Variants in CYP4X1 observed in about 807,000 individuals in gnomAD.
CYP4X1 encodes the protein cytochrome P450 4X1.
A neutral mutation model predicts 57.9 loss-of-function variants in CYP4X1; 44 were observed. That is an observed-to-expected ratio of 0.76 (90% confidence interval 0.60 to 0.98). The LOEUF is 0.98. CYP4X1 is among the 50% of genes least tolerant of loss of function. The pLI is 0.00. For missense variants in CYP4X1, 532 were observed against 623.9 expected (o/e 0.85, Z 1.57); for synonymous variants, 227 against 228.6 (o/e 0.99, Z 0.06).
chr1:47,009,114 C>T, the CYP4X1 span, among the ~76,000 whole-genome samples: 2 of 152,160 alleles, frequency 1.3e-5, no homozygotes, highest in African/African-American at 4.8e-5. Context: ...ACAGAATATA[C>T]ATTCTTTTCA....
At chr1:46,966,748 T>C in the CYP4X1 span, among the ~76,000 whole-genome samples, 5 of 152,182 alleles carry the variant, frequency 3.3e-5, no homozygotes, top group East Asian at 9.6e-4. Context: ...ACAATTAACA[T>C]TAGATATATT....
At position 47,023,991 on chromosome 1, in the gene CYP4X1, G is replaced by C. The variant is rs748724526; in HGVS notation, c.174G>C (p.Gln58His). The change falls in exon 1 of 12, where the codon CAG becomes CAC. Residue 58 changes from glutamine (Q) to histidine (H), a missense_variant. Transcript: ENST00000371901. ...CCACCCACTGGTTCCTTGGGCACCA[G>C]AAGGTAGATGGGAGGGAGGAGGGAG... is the stretch of plus-strand genomic sequence containing the variant. ...APPTHWFLGH[Q>H]KFIQDDNMEK... 4 of 1,612,030 alleles carry C rather than the reference G, an allele frequency of 2.5e-6. No individual in the cohort carries two copies. In the East Asian group the frequency reaches 8.9e-5, roughly 36 times the overall value.
intron 8 of CYP4X1, among the ~76,000 whole-genome samples, chr1:47,040,261 C>T (rs1182006963): frequency 6.6e-6 from 1 of 152,096 alleles, no homozygotes; most frequent in African/African-American, 2.4e-5. Context: ...TTGACATTTA[C>T]GCTGACTGCA....
chr1:47,035,922 CCAGA>C lies in CYP4X1; in HGVS notation c.612_615del (p.Asn206AlafsTer30). 2 of 1,613,570 alleles carry C rather than the reference CCAGA, an allele frequency of 1.2e-6. No individual in the cohort carries two copies. The highest frequency in any genetic ancestry group is 2.2e-5 in the East Asian group (1 of 44,876). On this transcript the variant is annotated frameshift_variant, in exon 5 of 12. Coordinates refer to ENST00000371901, the MANE Select transcript of CYP4X1 (RefSeq NM_178033.2). LOFTEE classifies it high-confidence loss of function. ...GCGCTTTCAGCAAGGAGACCAACTG[CCAGA>C]CAAACAGGTCAGTGGTGGGAGAGCA...
chr1:47,053,004 G>A (rs190111206), downstream of CYP4X1, among the ~76,000 whole-genome samples: 215 of 152,112 alleles, frequency 1.4e-3, 1 homozygote, highest in African/African-American at 5.0e-3. Context: ...TGCCATGTTG[G>A]TGTGCTGCAC....
the CYP4X1 span, among the ~76,000 whole-genome samples, chr1:46,988,989 A>G: frequency 6.6e-6 from 1 of 152,218 alleles, no homozygotes; most frequent in Admixed American, 6.5e-5. Context: ...AAACAGGCAC[A>G]AGACAAGGAT....
downstream of CYP4X1, among the ~76,000 whole-genome samples, chr1:47,054,194 G>A: frequency 6.6e-6 from 1 of 151,770 alleles, no homozygotes; most frequent in Non-Finnish European, 1.5e-5. Context: ...CCCATTTCTT[G>A]TTTTTGTCAG....
upstream of CYP4X1, chr1:47,023,593 G>A: frequency 7.6e-7 from 1 of 1,316,050 alleles, no homozygotes; most frequent in Non-Finnish European, 9.7e-7. Flanking sequence ...CGAACGAAGC[G>A]TGCGCGCTTT....
At position 47,038,687 on chromosome 1, in the gene CYP4X1, C is replaced by T. The variant is rs759191077; in HGVS notation, c.803C>T (p.Ser268Phe). The change falls in exon 7 of 12, where the codon TCC becomes TTC. Residue 268 changes from serine to phenylalanine, a missense_variant. Transcript: ENST00000371901. ...TDTIIQERKK[S>F]LQAGVKQDNT... ...ACAATAATCCAGGAAAGAAAGAAAT[C>T]CCTCCAGGCTGGGGTAAAGCAGGAT... is the stretch of plus-strand genomic sequence containing the variant. 5 of 1,607,604 alleles carry T rather than the reference C, an allele frequency of 3.1e-6. No individual in the cohort carries two copies. In the Admixed American group the frequency reaches 8.4e-5, roughly 27 times the overall value.
At position 47,036,370 on chromosome 1, in the gene CYP4X1, T is replaced by TATATATATATATATATATATATA; in HGVS notation, c.775+199_775+200insATATATATATATATATATATATA. ...AACCATAGCAGTATTATCAGAATTT[T>TATATATATATATATATATATATA]TATATATATATATATACACTATTTT... On this transcript the variant is annotated intron_variant, in intron 6 of 11. Transcript: ENST00000371901. 5.7e-3 allele frequency among the ~76,000 whole-genome samples: 741 copies of TATATATATATATATATATATATA among 129,662 alleles called. 15 individuals carry two copies. Among genetic ancestry groups the TATATATATATATATATATATATA allele is most frequent in the Middle Eastern group, 0.02 (5 of 250 alleles). 85.1% of individuals were successfully genotyped at this position (129,662 alleles called of 152,430 possible).
the CYP4X1 span, among the ~76,000 whole-genome samples, chr1:46,962,383 G>A: frequency 2.0e-5 from 3 of 152,200 alleles, no homozygotes; most frequent in Non-Finnish European, 2.9e-5. Flanking sequence ...CTCCCAAAGT[G>A]TTGGGATTAC....
At chr1:46,987,561 T>G in the CYP4X1 span, among the ~76,000 whole-genome samples, 5 of 151,980 alleles carry the variant, frequency 3.3e-5, no homozygotes, top group Non-Finnish European at 7.4e-5. Flanking sequence ...AACTCTCCAC[T>G]CCAAATCAGC....
chr1:47,046,444 C>A, intron 8 of CYP4X1, 23 bp from the exon 9 acceptor site: 1 of 1,609,724 alleles, frequency 6.2e-7, no homozygotes, highest in Non-Finnish European at 8.5e-7. Flanking sequence ...TATCTGAGTC[C>A]CTTCCCTCCC....
the CYP4X1 span, among the ~76,000 whole-genome samples, chr1:46,990,434 G>T: frequency 3.9e-5 from 6 of 152,100 alleles, no homozygotes; most frequent in Non-Finnish European, 7.4e-5. Context: ...AAATAGGAAC[G>T]CTTTTACATT....
chr1:46,985,327 C>CA, the CYP4X1 span, among the ~76,000 whole-genome samples: 7 of 151,832 alleles, frequency 4.6e-5, no homozygotes, highest in African/African-American at 1.2e-4. Flanking sequence ...GAGTCTATCT[C>CA]AAAAAAAATA....
At chr1:47,042,053 T>C (rs558222877) in intron 8 of CYP4X1, among the ~76,000 whole-genome samples, 10 of 152,292 alleles carry the variant, frequency 6.6e-5, no homozygotes, top group African/African-American at 2.4e-4. Context: ...CACCACTGTA[T>C]GTTACTGGAA....
chr1:46,999,650 ATTAGG>A, the CYP4X1 span, among the ~76,000 whole-genome samples: 3 of 151,858 alleles, frequency 2.0e-5, no homozygotes, highest in African/African-American at 7.3e-5. Flanking sequence ...TAGGTGTGGC[ATTAGG>A]TTGTTAATTT....
At chr1:46,987,598 A>T in the CYP4X1 span, among the ~76,000 whole-genome samples, 726 of 152,308 alleles carry the variant, frequency 4.8e-3, 9 homozygotes, top group East Asian at 0.045. Context: ...TCAGCACCAC[A>T]TTGCACTTAT....
the CYP4X1 span, among the ~76,000 whole-genome samples, chr1:46,985,372 C>T: frequency 6.6e-6 from 1 of 152,178 alleles, no homozygotes; most frequent in Non-Finnish European, 1.5e-5. Context: ...CAGTAAGGGG[C>T]TTATAGGTAA....
Sources: allele counts gnomAD v4.1 joint callset (sites outside exome capture counted in the v4.1 genomes callset), GRCh38; gene constraint gnomAD v4.1.1; transcripts MANE v1.5; gene names NCBI Gene and HGNC (gene_info 2026-07-23, HGNC 2026-07-21).